The following FHIT variants were observed in gnomAD, a reference collection of about 807,000 sequenced individuals.
The protein encoded by FHIT is fragile histidine triad diadenosine triphosphatase.
FHIT carries 19 observed loss-of-function variants against 17.9 expected under a neutral mutation model. The ratio of observed to expected loss-of-function variants is 1.06; its 90% confidence interval spans 0.74 to 1.56. The LOEUF is 1.56. FHIT is among the 40% of genes most tolerant of loss of function. FHIT has a pLI of 0.00. For synonymous variants in FHIT, 81 were observed against 69.7 expected (o/e 1.16, Z -0.81); for missense variants, 248 against 189.2 (o/e 1.31, Z -1.82).
intron 3 of FHIT, among the ~76,000 whole-genome samples, chr3:61,039,246 C>T (rs988296182): frequency 1.3e-5 from 2 of 152,070 alleles, no homozygotes; most frequent in African/African-American, 2.4e-5. Context: ...CCAGCACTAC[C>T]ATTTTGACAA....
intron 2 of FHIT, among the ~76,000 whole-genome samples, chr3:61,122,599 C>G (rs1315287571): frequency 6.6e-6 from 1 of 152,180 alleles, no homozygotes; most frequent in Admixed American, 6.5e-5. Flanking sequence ...TTTTTGCAAT[C>G]TATCCATCTG....
chr3:60,715,609 T>C (rs1281347768), intron 4 of FHIT, among the ~76,000 whole-genome samples: 2 of 106,696 alleles, frequency 1.9e-5, no homozygotes, highest in Non-Finnish European at 3.5e-5. Flanking sequence ...CATCACACTC[T>C]GGGGACTGTT....
rs2034432463 is a variant in FHIT, at chr3:61,061,618, G to A, written c.-163-19519C>T. On this transcript the variant is annotated intron_variant, in intron 2 of 9. Transcript: ENST00000492590. ...GTCTATGGACTTGCTTGAACACACA[G>A]CTCAGCAATGATGCAGGCAGGATTC... 2.6e-5 allele frequency among the ~76,000 whole-genome samples: 4 copies of A among 151,350 alleles called. No homozygotes were observed. In the South Asian group the frequency reaches 8.4e-4, roughly 32 times the overall value.
chr3:61,233,752 T>C (rs572682423), intron 1 of FHIT, among the ~76,000 whole-genome samples: 1 of 152,180 alleles, frequency 6.6e-6, no homozygotes, highest in African/African-American at 2.4e-5. Flanking sequence ...GGATCAAGAA[T>C]GTGTCTCATT....
intron 5 of FHIT, among the ~76,000 whole-genome samples, chr3:60,493,045 G>C (rs1352830076): frequency 3.9e-5 from 6 of 152,128 alleles, no homozygotes; most frequent in Admixed American, 1.3e-4. Context: ...TGATGGATAA[G>C]TGCCAAGGAG....
At chr3:59,932,964 C>A (rs189216159) in intron 7 of FHIT, among the ~76,000 whole-genome samples, 1 of 151,988 alleles carries the variant, frequency 6.6e-6, no homozygotes, top group Non-Finnish European at 1.5e-5. Flanking sequence ...TATTTTGCAC[C>A]CGGCTCCCTC....
At chr3:60,242,349 G>A (rs529716075) in intron 5 of FHIT, among the ~76,000 whole-genome samples, 10 of 151,972 alleles carry the variant, frequency 6.6e-5, no homozygotes, top group African/African-American at 1.7e-4. Context: ...ACCCCAAACC[G>A]TTTCTCAGTA....
In FHIT at chr3:60,090,871, G is replaced by A. The variant is rs1488193359; in HGVS notation, c.104-76719C>T. 2.0e-5 allele frequency among the ~76,000 whole-genome samples: 3 copies of A among 152,156 alleles called. No individual in the cohort carries two copies. In the East Asian group the frequency reaches 5.8e-4, roughly 29 times the overall value. ...TCTGTTGTCTGAGCTCTGGGGTCGG[G>A]GTAAGGTCCGCAAGGTGGAAGTGAA... On this transcript the variant is annotated intron_variant, in intron 5 of 9. Coordinates refer to ENST00000492590, the MANE Select transcript of FHIT (RefSeq NM_002012.4).
intron 5 of FHIT, among the ~76,000 whole-genome samples, chr3:60,475,099 A>G (rs2033279025): frequency 6.6e-6 from 1 of 152,192 alleles, no homozygotes; most frequent in Non-Finnish European, 1.5e-5. Context: ...GGGAAAACGA[A>G]AAACTCTTAT....
chr3:60,347,636 T>G (rs993507672), intron 5 of FHIT, among the ~76,000 whole-genome samples: 38 of 122,540 alleles, frequency 3.1e-4, no homozygotes, highest in Non-Finnish European at 1.9e-4. Context: ...GGAAGCAAAA[T>G]TGAAAACATT....
At chr3:60,562,984 AC>A (rs2037003810) in intron 4 of FHIT, among the ~76,000 whole-genome samples, 1 of 152,214 alleles carries the variant, frequency 6.6e-6, no homozygotes. Flanking sequence ...AGTGAAATCA[AC>A]AGAAATAAAC....
chr3:60,563,453 T>G (rs2037024845), intron 4 of FHIT, among the ~76,000 whole-genome samples: 1 of 152,192 alleles, frequency 6.6e-6, no homozygotes, highest in African/African-American at 2.4e-5. Flanking sequence ...TCTCTCACTT[T>G]AAATCAAAAA....
rs147986936 is a variant in FHIT, at chr3:59,994,077, G to C, written c.279+17294C>G. Among the ~76,000 whole-genome samples, 5 of 152,120 alleles carry C rather than the reference G, an allele frequency of 3.3e-5. No individual in the cohort carries two copies. In the East Asian group the frequency reaches 7.8e-4, roughly 24 times the overall value. ...ACAGATGAGGAAAGTGAAGCTCAGA[G>C]ATGTTAAATAACTTGTCCAGGATCA... On this transcript the variant is annotated intron_variant, in intron 7 of 9. Coordinates refer to ENST00000492590, the MANE Select transcript of FHIT (RefSeq NM_002012.4).
chr3:61,022,918 C>A (rs1458922472), intron 3 of FHIT, among the ~76,000 whole-genome samples: 3 of 152,122 alleles, frequency 2.0e-5, no homozygotes, highest in Non-Finnish European at 4.4e-5. Context: ...GGAAGCATTC[C>A]CTTTGAAAAC....
intron 3 of FHIT, among the ~76,000 whole-genome samples, chr3:60,824,468 G>C (rs1702043845): frequency 6.6e-6 from 1 of 152,068 alleles, no homozygotes; most frequent in Non-Finnish European, 1.5e-5. Context: ...TAAGTAACCA[G>C]AATATATAAG....
chr3:60,536,737 G>A (rs2035994416), intron 5 of FHIT, 123 bp downstream of exon 5: 1 of 1,013,484 alleles, frequency 9.9e-7, no homozygotes, highest in South Asian at 2.4e-5. Context: ...AAGTGGGAGG[G>A]AGATGGATTC....
At chr3:60,127,553 T>A (rs1242060314) in intron 5 of FHIT, among the ~76,000 whole-genome samples, 1 of 152,188 alleles carries the variant, frequency 6.6e-6, no homozygotes, top group South Asian at 2.1e-4. Flanking sequence ...TCTCCAGAAA[T>A]GATATACATC....
rs530663516 is a variant in FHIT, at chr3:60,282,961, C to T, written c.103+253899G>A. Among the ~76,000 whole-genome samples, 53 of 152,116 alleles carry T rather than the reference C, an allele frequency of 3.5e-4. 1 individual carries two copies. The highest frequency in any genetic ancestry group is 1.2e-3 in the African/African-American group (51 of 41,518). On this transcript the variant is annotated intron_variant, in intron 5 of 9. Coordinates refer to ENST00000492590, the MANE Select transcript of FHIT (RefSeq NM_002012.4). The stretch of plus-strand genomic sequence containing the variant: ...TACAACAACCAGACTGAAATAAGTG[C>T]AGTTCCAAGAATGGAGCTTAAACTG...
intron 4 of FHIT, among the ~76,000 whole-genome samples, chr3:60,738,402 CAG>C (rs1390920193): frequency 1.3e-5 from 2 of 152,294 alleles, no homozygotes; most frequent in Non-Finnish European, 2.9e-5. Context: ...AGCAAGAGCT[CAG>C]AGAGTCCAAG....
Sources: allele counts gnomAD v4.1 joint callset (sites outside exome capture counted in the v4.1 genomes callset), GRCh38; gene constraint gnomAD v4.1.1; transcripts MANE v1.5; gene names NCBI Gene and HGNC (gene_info 2026-07-23, HGNC 2026-07-21).